The following CXCL13 variants were observed in gnomAD, a reference collection of about 807,000 sequenced individuals.
CXCL13 encodes C-X-C motif chemokine 13.
CXCL13 carries 7 observed loss-of-function variants against 12.2 expected under a neutral mutation model. That is an observed-to-expected ratio of 0.57 (90% CI 0.33 to 1.07). The LOEUF is 1.07. Among genes scored for constraint, CXCL13 ranks in the 50% least tolerant of loss-of-function variants. The pLI is 0.04. For synonymous variants in CXCL13, 47 were observed against 42.4 expected (o/e 1.11, Z -0.42); for missense variants, 113 against 127.4 (o/e 0.89, Z 0.55).
chr4:77,570,957 G>A (rs946270481), intron 1 of CXCL13, among the ~76,000 whole-genome samples: 2 of 152,024 alleles, frequency 1.3e-5, no homozygotes, highest in African/African-American at 4.8e-5. Flanking sequence ...TGCCTCCGTG[G>A]GTTCCTGTGC....
chr4:77,610,669 C>G lies in CXCL13; in HGVS notation c.253C>G (p.Gln85Glu), dbSNP rs769775732. ...TGTGGACCCTCAAGCTGAATGGATA[C>G]AAAGAATGATGGAAGTATTGAGAAA... ...VCVDPQAEWIQRMMEVLRKRS... is the reference protein window; with the variant it reads ...VCVDPQAEWIERMMEVLRKRS... Residue 85 changes from glutamine to glutamate, a missense_variant, in exon 3 of 4, where the codon CAA becomes GAA. By Grantham distance (29) the Gln-to-Glu change is conservative. Coordinates refer to ENST00000682537, the MANE Select transcript of CXCL13 (RefSeq NM_001371558.1). 2.5e-6 allele frequency: 4 copies of G among 1,612,878 alleles called. No homozygotes were observed. The highest frequency in any genetic ancestry group is 2.2e-5 in the East Asian group (1 of 44,860).
intron 1 of CXCL13, among the ~76,000 whole-genome samples, chr4:77,582,086 T>C (rs1157676598): frequency 6.6e-6 from 1 of 152,182 alleles, no homozygotes; most frequent in African/African-American, 2.4e-5. Flanking sequence ...AACATCATTC[T>C]ATTCTCCTAA....
At chr4:77,591,937 T>C (rs1013915728) in intron 1 of CXCL13, among the ~76,000 whole-genome samples, 2 of 152,264 alleles carry the variant, frequency 1.3e-5, no homozygotes, top group African/African-American at 4.8e-5. Flanking sequence ...GCTCCAAATG[T>C]TCTTATCTGT....
At chr4:77,531,123 TTATTA>T (rs1247899150) in intron 1 of CXCL13, among the ~76,000 whole-genome samples, 15 of 148,340 alleles carry the variant, frequency 1.0e-4, no homozygotes, top group Middle Eastern at 3.6e-3. Flanking sequence ...ATTATTATTA[TTATTA>T]TTATCATTAT....
intron 1 of CXCL13, among the ~76,000 whole-genome samples, chr4:77,599,331 C>G (rs554341471): frequency 4.8e-4 from 73 of 152,194 alleles, no homozygotes; most frequent in Admixed American, 1.6e-3. Flanking sequence ...CTCCTGTATA[C>G]TTTAAATCAT....
rs533060145 is a variant in CXCL13, at chr4:77,572,570, TAAG to T, written c.-42-33250_-42-33248del. Among the ~76,000 whole-genome samples, 8 of 151,568 alleles carry T rather than the reference TAAG, an allele frequency of 5.3e-5. No homozygotes were observed. In the South Asian group the frequency reaches 1.7e-3, roughly 31 times the overall value. ...TCACACCAGTCAGAATGGCTATTATTAAGAAGTCAAAAAAAAATAGATGTTCGT... is the reference window on the plus strand; with the variant it reads ...TCACACCAGTCAGAATGGCTATTATTAAGTCAAAAAAAAATAGATGTTCGT... On this transcript the variant is annotated intron_variant, in intron 1 of 4. Transcript: ENST00000286758.
chr4:77,544,044 G>T (rs1725288677), intron 1 of CXCL13, among the ~76,000 whole-genome samples: 2 of 152,094 alleles, frequency 1.3e-5, no homozygotes, highest in South Asian at 4.1e-4. Flanking sequence ...ATGGTTTCCA[G>T]CTTCATCCAT....
intron 1 of CXCL13, among the ~76,000 whole-genome samples, chr4:77,587,999 G>A (rs1472796589): frequency 2.0e-5 from 3 of 152,198 alleles, no homozygotes; most frequent in Non-Finnish European, 1.5e-5. Context: ...AAGGGATGCA[G>A]GTTCCCACCT....
intron 1 of CXCL13, among the ~76,000 whole-genome samples, chr4:77,547,777 G>T (rs947849539): frequency 6.6e-6 from 1 of 152,152 alleles, no homozygotes; most frequent in African/African-American, 2.4e-5. Flanking sequence ...CTGTCATTAT[G>T]ATGTTAGCTG....
At chr4:77,520,451 C>T (rs1724563347) in intron 1 of CXCL13, among the ~76,000 whole-genome samples, 1 of 152,068 alleles carries the variant, frequency 6.6e-6, no homozygotes. Flanking sequence ...AGTTGGATTC[C>T]TAGGTACTGT....
At chr4:77,597,125 C>T (rs886255312) in intron 1 of CXCL13, among the ~76,000 whole-genome samples, 2 of 152,026 alleles carry the variant, frequency 1.3e-5, no homozygotes, top group Non-Finnish European at 2.9e-5. Flanking sequence ...CATATAGAAG[C>T]AGAGTAGTGG....
upstream of CXCL13, among the ~76,000 whole-genome samples, chr4:77,603,464 T>A (rs138402144): frequency 6.6e-6 from 1 of 152,146 alleles, no homozygotes; most frequent in Non-Finnish European, 1.5e-5. Context: ...TGCATTTAAG[T>A]GTATGCGTGT....
intron 1 of CXCL13, among the ~76,000 whole-genome samples, chr4:77,555,829 A>T (rs915909102): frequency 6.6e-6 from 1 of 152,196 alleles, no homozygotes; most frequent in Non-Finnish European, 1.5e-5. Context: ...TTGACATTTT[A>T]AAAAGATGAG....
At chr4:77,604,841 A>G (rs1726967454), upstream of CXCL13, among the ~76,000 whole-genome samples, 1 of 152,154 alleles carries the variant, frequency 6.6e-6, no homozygotes, top group Admixed American at 6.5e-5. Flanking sequence ...CAAACCTCTG[A>G]TTTCTTAGCA....
chr4:77,548,761 C>G (rs949499178), intron 1 of CXCL13, among the ~76,000 whole-genome samples: 2 of 152,298 alleles, frequency 1.3e-5, no homozygotes, highest in Non-Finnish European at 2.9e-5. Context: ...TCTGGCTGCC[C>G]TTAACATTTT....
At chr4:77,539,076 T>A in intron 1 of CXCL13, among the ~76,000 whole-genome samples, 1 of 137,920 alleles carries the variant, frequency 7.3e-6, no homozygotes, top group African/African-American at 2.9e-5. Context: ...TTTTTTTTTT[T>A]CCTTTTGAAA....
At chr4:77,584,443 C>CA (rs1254245334) in intron 1 of CXCL13, among the ~76,000 whole-genome samples, 4 of 151,800 alleles carry the variant, frequency 2.6e-5, no homozygotes, top group Non-Finnish European at 5.9e-5. Context: ...TTCTAATATG[C>CA]AAAAAATACA....
upstream of CXCL13, among the ~76,000 whole-genome samples, chr4:77,602,682 C>T (rs1326288827): frequency 6.6e-6 from 1 of 151,966 alleles, no homozygotes; most frequent in Non-Finnish European, 1.5e-5. Flanking sequence ...TTTTATGTAT[C>T]TGATGATAAA....
At chr4:77,564,245 A>G (rs980794165) in intron 1 of CXCL13, among the ~76,000 whole-genome samples, 2 of 152,212 alleles carry the variant, frequency 1.3e-5, no homozygotes, top group African/African-American at 2.4e-5. Flanking sequence ...TGGAGTTTCT[A>G]GAAACTTCTG....
Sources: gnomAD v4.1 joint callset for allele counts (sites outside exome capture counted in the v4.1 genomes callset) on GRCh38, gnomAD v4.1.1 for gene constraint, MANE v1.5 for transcripts, NCBI Gene and HGNC (gene_info 2026-07-23, HGNC 2026-07-21) for gene names.